Variants in RNF220 observed in about 807,000 individuals in gnomAD.
The protein encoded by RNF220 is E3 ubiquitin-protein ligase RNF220.
A neutral mutation model predicts 67.1 loss-of-function variants in RNF220; 7 were observed. The observed-to-expected ratio is 0.10, with a 90% CI of 0.06 to 0.20. The LOEUF (loss-of-function observed/expected upper bound fraction) is 0.20, where lower values mean the gene tolerates loss of function less well. Among genes scored for constraint, RNF220 ranks in the 10% least tolerant of loss-of-function variants. The pLI, the probability that RNF220 is intolerant of heterozygous loss-of-function variation, is 1.00. For missense variants in RNF220, 565 were observed against 740.3 expected (o/e 0.76, Z 2.75); for synonymous variants, 270 against 283.2 (o/e 0.95, Z 0.47).
intron 2 of RNF220, 94 bp from the exon 3 acceptor site, chr1:44,614,071 G>A (rs952103732): frequency 5.3e-5 from 82 of 1,547,246 alleles, no homozygotes; most frequent in Non-Finnish European, 7.1e-5. Flanking sequence ...GCCCTAGAGG[G>A]CAGCAGCAGG....
At chr1:44,430,040 C>T (rs1022460441) in intron 2 of RNF220, among the ~76,000 whole-genome samples, 6 of 148,504 alleles carry the variant, frequency 4.0e-5, no homozygotes, top group African/African-American at 1.5e-4. Flanking sequence ...GAGTTAGAGC[C>T]GTAAGTGCTT....
intron 2 of RNF220, among the ~76,000 whole-genome samples, chr1:44,595,966 G>T (rs1350981970): frequency 2.0e-5 from 3 of 151,930 alleles, no homozygotes; most frequent in African/African-American, 7.3e-5. Context: ...GGGTTTTGCC[G>T]TGTTAGCCAG....
At chr1:44,514,701 T>C (rs576198053) in intron 2 of RNF220, among the ~76,000 whole-genome samples, 1 of 152,332 alleles carries the variant, frequency 6.6e-6, no homozygotes, top group East Asian at 1.9e-4. Flanking sequence ...AAAAAAGATA[T>C]ATCTTTTGGC....
At chr1:44,504,147 C>T (rs528048352) in intron 2 of RNF220, among the ~76,000 whole-genome samples, 13 of 152,070 alleles carry the variant, frequency 8.5e-5, no homozygotes, top group East Asian at 5.8e-4. Context: ...CGTGCCCGGC[C>T]GCCATCCGTG....
At chr1:44,491,583 A>G (rs1029137199) in intron 2 of RNF220, among the ~76,000 whole-genome samples, 1 of 152,176 alleles carries the variant, frequency 6.6e-6, no homozygotes, top group Non-Finnish European at 1.5e-5. Context: ...TAGGAATAGA[A>G]GGGGCCTTCC....
At chr1:44,582,258 G>A (rs1264387655) in intron 2 of RNF220, among the ~76,000 whole-genome samples, 2 of 152,326 alleles carry the variant, frequency 1.3e-5, no homozygotes, top group African/African-American at 4.8e-5. Context: ...GAAACTGGCA[G>A]CCCACAAAAG....
At chr1:44,532,069 A>T (rs571141352) in intron 2 of RNF220, among the ~76,000 whole-genome samples, 1 of 151,734 alleles carries the variant, frequency 6.6e-6, no homozygotes, top group East Asian at 1.9e-4. Flanking sequence ...CTCAATTAAT[A>T]CTCTACTGCT....
At chr1:44,557,069 C>T (rs955346258) in intron 2 of RNF220, among the ~76,000 whole-genome samples, 26 of 150,218 alleles carry the variant, frequency 1.7e-4, no homozygotes, top group Non-Finnish European at 7.4e-5. Flanking sequence ...GAAGGAGCTT[C>T]TTTCTCAATC....
intron 2 of RNF220, among the ~76,000 whole-genome samples, chr1:44,567,169 G>A (rs1426441212): frequency 6.6e-6 from 1 of 152,290 alleles, no homozygotes; most frequent in East Asian, 1.9e-4. Context: ...GGTGCGGGAG[G>A]TGGGATGCTC....
intron 2 of RNF220, among the ~76,000 whole-genome samples, chr1:44,511,266 A>T (rs184022877): frequency 6.6e-6 from 1 of 152,224 alleles, no homozygotes; most frequent in South Asian, 2.1e-4. Flanking sequence ...GGGATTGGCT[A>T]CAGGAGCCAC....
In RNF220 at chr1:44,533,164, G is replaced by A. The variant is rs927272935; in HGVS notation, c.626-81001G>A. ...GGAGAGTAAACGAAAGTCTGCTGAA[G>A]GCTCTAGGTCAGCATACTGGTGTGA... On this transcript the variant is annotated intron_variant, in intron 2 of 14. Transcript: ENST00000361799. Among the ~76,000 whole-genome samples, 5 of 152,352 alleles carry A rather than the reference G, an allele frequency of 3.3e-5. No individual in the cohort carries two copies. In the South Asian group the frequency reaches 8.3e-4, roughly 25 times the overall value.
chr1:44,416,649 T>A (rs1648569188), intron 2 of RNF220, among the ~76,000 whole-genome samples: 1 of 152,218 alleles, frequency 6.6e-6, no homozygotes, highest in South Asian at 2.1e-4. Context: ...ACTGCCCGCG[T>A]GGAGCGGCGA....
chr1:44,435,759 G>A (rs963036760), intron 2 of RNF220, among the ~76,000 whole-genome samples: 7 of 151,986 alleles, frequency 4.6e-5, no homozygotes, highest in African/African-American at 9.7e-5. Context: ...GTGAAACCTC[G>A]TCTCTACTAA....
rs750323226 is a variant in RNF220, at chr1:44,412,068, G to A, written c.-30G>A. 1 of 1,584,474 alleles carries A rather than the reference G, an allele frequency of 6.3e-7. No homozygotes were observed. Among genetic ancestry groups the A allele is most frequent in the Admixed American group, 1.7e-5 (1 of 57,434 alleles). ...TCCCTCCCAGGGAAGACTGCTTCTT[G>A]CGTAACGCCGGCCACAGAAAGAGAC... On this transcript the variant is annotated 5_prime_UTR_variant, in exon 2 of 15. Coordinates refer to ENST00000361799, the MANE Select transcript of RNF220 (RefSeq NM_018150.4). The surrounding 1 kb of genome is among the most constrained non-coding windows in gnomAD (Gnocchi z 5.3).
At position 44,417,474 on chromosome 1, in the gene RNF220, G is replaced by A. The variant is rs1648661082; in HGVS notation, c.625+4752G>A. 6.6e-6 allele frequency among the ~76,000 whole-genome samples: 1 copy of A among 152,106 alleles called. No homozygotes were observed. The highest frequency in any genetic ancestry group is 2.4e-5 in the African/African-American group (1 of 41,442). On this transcript the variant is annotated intron_variant, in intron 2 of 14. Coordinates refer to ENST00000361799, the MANE Select transcript of RNF220 (RefSeq NM_018150.4). This position sits in a 1 kb window ranked among gnomAD's most constrained non-coding sequence, Gnocchi z 4.0. The stretch of plus-strand genomic sequence containing the variant: ...CTGGCTTGGCTTGGCTCGGCGCGCC[G>A]CTCGCCTGGCGGCTGGGCTCGCTGT...
intron 2 of RNF220, among the ~76,000 whole-genome samples, chr1:44,462,224 C>A (rs147562806): frequency 6.6e-6 from 1 of 151,532 alleles, no homozygotes; most frequent in Non-Finnish European, 1.5e-5. Context: ...TGAGCCACCA[C>A]GCCTGGACAT....
intron 2 of RNF220, among the ~76,000 whole-genome samples, chr1:44,500,452 T>C (rs1470806151): frequency 6.6e-6 from 1 of 152,174 alleles, no homozygotes; most frequent in African/African-American, 2.4e-5. Context: ...TCTTGCTCTC[T>C]TTTTCTGGGT....
At chr1:44,535,288 A>G (rs902663991) in intron 2 of RNF220, among the ~76,000 whole-genome samples, 2 of 152,004 alleles carry the variant, frequency 1.3e-5, no homozygotes, top group African/African-American at 4.8e-5. Flanking sequence ...TTATAGGCAC[A>G]TGTCACCATG....
At chr1:44,460,170 C>A (rs996120265) in intron 2 of RNF220, among the ~76,000 whole-genome samples, 1 of 152,218 alleles carries the variant, frequency 6.6e-6, no homozygotes, top group African/African-American at 2.4e-5. Flanking sequence ...GGAGCTCTTT[C>A]AGGTCATTGG....
Sources: allele counts gnomAD v4.1 joint callset (sites outside exome capture counted in the v4.1 genomes callset), GRCh38; gene constraint gnomAD v4.1.1; non-coding constraint Gnocchi (gnomAD v3.1); transcripts MANE v1.5; gene names NCBI Gene and HGNC (gene_info 2026-07-23, HGNC 2026-07-21).